Variants in TCF12 observed in about 807,000 individuals in gnomAD.
The protein encoded by TCF12 is DNA-binding protein HTF4.
In TCF12, 45 loss-of-function variants were observed where a neutral mutation model predicts 86.0. The ratio of observed to expected loss-of-function variants is 0.52; its 90% CI spans 0.41 to 0.67. The LOEUF (loss-of-function observed/expected upper bound fraction) is 0.67. Among genes scored for constraint, TCF12 ranks in the 30% least tolerant of loss-of-function variants. The pLI is 0.00. For missense variants in TCF12, 881 were observed against 859.9 expected, an observed-to-expected ratio of 1.02 and a Z score of -0.31; for synonymous variants, 330 against 299.6, an observed-to-expected ratio of 1.10 and a Z score of -1.05.
At chr15:57,242,820 A>G (rs186570286) in intron 12 of TCF12, among the ~76,000 whole-genome samples, 3 of 152,374 alleles carry the variant, frequency 2.0e-5, no homozygotes, top group Admixed American at 1.3e-4. Context: ...TTTTCAAAGT[A>G]GACCTATTAG....
chr15:57,271,476 C>T (rs1199069557), intron 18 of TCF12, among the ~76,000 whole-genome samples: 5 of 152,300 alleles, frequency 3.3e-5, no homozygotes, highest in Admixed American at 6.5e-5. Flanking sequence ...GTATACTGCT[C>T]CTCCAGGTAC....
At chr15:57,167,328 A>C (rs1253666538) in intron 6 of TCF12, among the ~76,000 whole-genome samples, 3 of 152,164 alleles carry the variant, frequency 2.0e-5, no homozygotes, top group Admixed American at 6.5e-5. Flanking sequence ...TGGGAGACTG[A>C]GGTAGGAGAA....
intron 9 of TCF12, 130 bp from the exon 10 acceptor site, chr15:57,232,161 T>C (rs989596800): frequency 4.4e-6 from 4 of 906,474 alleles, no homozygotes; most frequent in Non-Finnish European, 6.8e-6. Context: ...GGAAGAACAG[T>C]GGGTAGAAGA....
chr15:57,157,127 G>T (rs2054164763), intron 5 of TCF12, among the ~76,000 whole-genome samples: 1 of 152,166 alleles, frequency 6.6e-6, no homozygotes, highest in South Asian at 2.1e-4. Flanking sequence ...AGTAAATAGG[G>T]TTAAGGCATT....
chr15:57,100,094 A>G (rs1273766327), intron 5 of TCF12, among the ~76,000 whole-genome samples: 1 of 152,118 alleles, frequency 6.6e-6, no homozygotes, highest in East Asian at 1.9e-4. Flanking sequence ...AGTTGCATAG[A>G]TCTGATAAAT....
intron 6 of TCF12, among the ~76,000 whole-genome samples, chr15:57,184,540 G>A (rs1026208643): frequency 6.6e-6 from 1 of 152,142 alleles, no homozygotes; most frequent in African/African-American, 2.4e-5. Flanking sequence ...AGTAATAAAT[G>A]CAGCAGGTAC....
chr15:56,973,880 T>C (rs1304266394), intron 3 of TCF12, among the ~76,000 whole-genome samples: 1 of 152,110 alleles, frequency 6.6e-6, no homozygotes, highest in East Asian at 1.9e-4. Flanking sequence ...TTTTGTGTTA[T>C]TCCTGCCAAA....
Position 57,247,162 on chromosome 15 carries a change from CCACCAT to C in TCF12, c.1114+3613_1114+3618del. On this transcript the variant is annotated intron_variant, in intron 13 of 20. Coordinates refer to ENST00000333725, the MANE Select transcript of TCF12 (RefSeq NM_207037.2). Reference sequence around the variant, plus strand: ...TCACTCCACCGTCACTCCACCACCACCACCATATCCTTGGTCCATCACCATCATAGC... The same window carrying C: ...TCACTCCACCGTCACTCCACCACCACATCCTTGGTCCATCACCATCATAGC... 8.9e-6 allele frequency: 5 copies of C among 560,784 alleles called. No individual in the cohort carries two copies. The East Asian group carries it at 1.4e-4, about 16-fold the overall frequency. 34.7% of individuals were successfully genotyped at this position (560,784 alleles called of 1,614,324 possible).
At chr15:57,055,139 A>C (rs142097517) in intron 3 of TCF12, among the ~76,000 whole-genome samples, 1,892 of 152,046 alleles carry the variant, frequency 0.012, 38 homozygotes, top group African/African-American at 0.043. Flanking sequence ...GTTGGATCAC[A>C]CCTGTAATCC....
At chr15:57,186,948 A>G (rs1268023802) in intron 6 of TCF12, among the ~76,000 whole-genome samples, 4 of 152,216 alleles carry the variant, frequency 2.6e-5, no homozygotes, top group African/African-American at 4.8e-5. Flanking sequence ...TAGGAGGCCA[A>G]AGCGGGCAGA....
At chr15:57,122,226 A>T (rs562549371) in intron 5 of TCF12, among the ~76,000 whole-genome samples, 1 of 151,878 alleles carries the variant, frequency 6.6e-6, no homozygotes, top group South Asian at 2.1e-4. Flanking sequence ...CCTTTGAGGA[A>T]ATAAAAATTT....
chr15:57,094,666 C>G (rs1167849591), intron 5 of TCF12, among the ~76,000 whole-genome samples: 10 of 152,172 alleles, frequency 6.6e-5, no homozygotes, highest in Non-Finnish European at 1.2e-4. Context: ...GATAACCAAT[C>G]ATCGCAACAG....
chr15:57,253,353 C>G lies in TCF12; in HGVS notation c.1352C>G (p.Ala451Gly). Residue 451 changes from alanine (A) to glycine (G), a missense_variant, in exon 16 of 21, where the codon GCT becomes GGT. Ala to Gly is a moderately conservative substitution (Grantham distance 60). Coordinates refer to ENST00000333725, the MANE Select transcript of TCF12 (RefSeq NM_207037.2). ...HAVGPSTSLPAGHSDIHSLLG... is the reference protein window; with the variant it reads ...HAVGPSTSLPGGHSDIHSLLG... ...GTGGGACCTTCCACCAGTTTGCCTG[C>G]TGGTCACAGTGATATACATAGTTTA... 1 of 1,614,074 alleles carries G rather than the reference C, an allele frequency of 6.2e-7. No homozygotes were observed. Among genetic ancestry groups the G allele is most frequent in the Non-Finnish European group, 8.5e-7 (1 of 1,179,986 alleles).
chr15:57,019,109 C>T (rs536523384), intron 3 of TCF12, among the ~76,000 whole-genome samples: 112 of 152,244 alleles, frequency 7.4e-4, no homozygotes, highest in East Asian at 2.7e-3. Context: ...TAGGAATCAA[C>T]CTAACAAGAA....
chr15:57,103,444 G>T (rs141199050), intron 5 of TCF12, among the ~76,000 whole-genome samples: 1 of 152,184 alleles, frequency 6.6e-6, no homozygotes, highest in Non-Finnish European at 1.5e-5. Context: ...GCCAGATGCA[G>T]TGGCACCTGC....
At chr15:57,274,687 A>C (rs1468759953) in intron 19 of TCF12, among the ~76,000 whole-genome samples, 1 of 152,112 alleles carries the variant, frequency 6.6e-6, no homozygotes, top group Admixed American at 6.6e-5. Context: ...CCTCTTCTTC[A>C]GCCCAGGATA....
intron 3 of TCF12, among the ~76,000 whole-genome samples, chr15:57,037,452 A>AACAG (rs1234015973): frequency 2.6e-5 from 4 of 151,890 alleles, no homozygotes; most frequent in Non-Finnish European, 5.9e-5. Context: ...CAAACAAACA[A>AACAG]ACAAACAAGG....
chr15:57,099,735 C>T (rs976079434), intron 5 of TCF12, among the ~76,000 whole-genome samples: 11 of 152,060 alleles, frequency 7.2e-5, no homozygotes, highest in African/African-American at 2.7e-4. Flanking sequence ...ATGAAGTCTT[C>T]AGTCTTTTGC....
In TCF12 at chr15:57,274,982, C is replaced by G. The variant is rs538270656; in HGVS notation, c.1978+1720C>G. ...TAAATAAAACATAAATTCTACCATGCCTAGATGGACCTTATTCATTTGTAA... is the reference window on the plus strand; with the variant it reads ...TAAATAAAACATAAATTCTACCATGGCTAGATGGACCTTATTCATTTGTAA... On this transcript the variant is annotated intron_variant, in intron 19 of 20. Transcript: ENST00000333725. 4.5e-4 allele frequency among the ~76,000 whole-genome samples: 68 copies of G among 152,230 alleles called. 2 individuals carry two copies. The highest frequency in any genetic ancestry group is 3.4e-3 in the Admixed American group (52 of 15,298).
Sources: allele counts gnomAD v4.1 joint callset (sites outside exome capture counted in the v4.1 genomes callset), GRCh38; gene constraint gnomAD v4.1.1; transcripts MANE v1.5; gene names NCBI Gene and HGNC (gene_info 2026-07-23, HGNC 2026-07-21).